PALM: variants seen among roughly 807,000 people sequenced by gnomAD.
The protein encoded by PALM is paralemmin, also known as paralemmin-1.
Under a neutral mutation model 30.7 loss-of-function variants are expected in PALM, and 18 were observed. The observed-to-expected ratio is 0.59, with a 90% CI of 0.41 to 0.87. The LOEUF (loss-of-function observed/expected upper bound fraction) is 0.87, where lower values mean the gene tolerates loss of function less well. PALM is among the 40% of genes least tolerant of loss of function. The pLI is 0.00. For missense variants in PALM, 529 were observed against 555.4 expected (o/e 0.95, Z 0.48); for synonymous variants, 286 against 242.8 (o/e 1.18, Z -1.66).
intron 2 of PALM, among the ~76,000 whole-genome samples, chr19:726,417 GA>G (rs1163688235): frequency 6.6e-6 from 1 of 152,192 alleles, no homozygotes; most frequent in Non-Finnish European, 1.5e-5. Flanking sequence ...GGTCGGTGGG[GA>G]AACTGAGGCT....
chr19:716,109 G>T (rs890362056), intron 1 of PALM, among the ~76,000 whole-genome samples: 6 of 152,122 alleles, frequency 3.9e-5, no homozygotes, highest in African/African-American at 1.4e-4. Context: ...TAGGCCTTGG[G>T]ATGGGGAAGA....
intron 6 of PALM, chr19:734,851 C>T (rs757162): frequency 0.22 from 35,539 of 158,964 alleles, 4,255 homozygotes; most frequent in Admixed American, 0.32. Flanking sequence ...TTTCACGGAA[C>T]GTGTCCGCTT....
Position 731,163 on chromosome 19 carries a change from C to T in PALM, c.338C>T (p.Ala113Val), listed in dbSNP as rs528324611. ...CCAGCCACTGCCAAGGAGAACGCGGCGGCCCCGAGCCCAGTCCGGGCCCCA... is the reference window on the plus strand; with the variant it reads ...CCAGCCACTGCCAAGGAGAACGCGGTGGCCCCGAGCCCAGTCCGGGCCCCA... The part of the protein sequence containing the change: ...SAPATAKENA[A>V]APSPVRAPAP... Residue 113 changes from alanine (A) to valine (V), a missense_variant, in exon 5 of 9, where the codon GCG becomes GTG. By Grantham distance (64) the Ala-to-Val change is moderately conservative. Coordinates refer to ENST00000338448, the MANE Select transcript of PALM (RefSeq NM_002579.3). The T allele has an allele frequency of 1.9e-5, 31 of 1,608,486 alleles. No homozygotes were observed. Among genetic ancestry groups the T allele is most frequent in the East Asian group, 1.3e-4 (6 of 44,712 alleles).
intron 4 of PALM, among the ~76,000 whole-genome samples, chr19:730,118 C>T (rs948486792): frequency 1.2e-4 from 18 of 152,222 alleles, no homozygotes; most frequent in African/African-American, 4.3e-4. Flanking sequence ...TCTGCCTGCT[C>T]AGGGGCTCTG....
intron 6 of PALM, chr19:734,915 G>A: frequency 1.2e-5 from 3 of 245,616 alleles, no homozygotes; most frequent in Non-Finnish European, 2.0e-5. Flanking sequence ...CGTCTGAAGT[G>A]CTTCTGGCCT....
intron 1 of PALM, among the ~76,000 whole-genome samples, chr19:714,525 A>ATTT (rs577722658): frequency 6.9e-6 from 1 of 144,432 alleles, no homozygotes; most frequent in Non-Finnish European, 1.5e-5. Context: ...CGCCCGGCTA[A>ATTT]TTTTTTGTAT....
intron 1 of PALM, chr19:722,382 T>C (rs1233369366): frequency 6.6e-6 from 1 of 151,906 alleles, no homozygotes; most frequent in Admixed American, 6.6e-5. Context: ...ACCTGGCTTT[T>C]TATTTATTTA....
chr19:711,776 C>T (rs1425362395), intron 1 of PALM, among the ~76,000 whole-genome samples: 1 of 152,100 alleles, frequency 6.6e-6, no homozygotes, highest in Admixed American at 6.6e-5. Flanking sequence ...AGATACTGTC[C>T]AGGAGGTGGC....
rs1222917917 is a variant in PALM at position 709,099 on chromosome 19, G to GCCCGCC, written c.-40_-35dup. On this transcript the variant is annotated 5_prime_UTR_variant, in exon 1 of 9. Coordinates refer to ENST00000338448, the MANE Select transcript of PALM (RefSeq NM_002579.3). The surrounding 1 kb of genome is among the most constrained non-coding windows in gnomAD (Gnocchi z 4.3). ...CTCCCCTCCCCCGCGCGCCACCCGC[G>GCCCGCC]CCCGCCCCCGCCCGGCACCGCGGAC... 1.8e-5 allele frequency: 5 copies of GCCCGCC among 273,120 alleles called. No individual in the cohort carries two copies. Among genetic ancestry groups the GCCCGCC allele is most frequent in the East Asian group, 6.0e-5 (1 of 16,782 alleles). The allele number at this position is 273,120 out of a possible 1,614,324, so 16.9% of individuals were successfully genotyped here.
chr19:727,758 AG>A, intron 4 of PALM, 64 bp downstream of exon 4: 1 of 1,445,470 alleles, frequency 6.9e-7, no homozygotes, highest in Non-Finnish European at 9.3e-7. Flanking sequence ...GGCTCCCGGG[AG>A]GGTGTGGGCT....
intron 1 of PALM, among the ~76,000 whole-genome samples, chr19:722,005 G>A (rs769220883): frequency 6.6e-6 from 1 of 152,166 alleles, no homozygotes; most frequent in African/African-American, 2.4e-5. Flanking sequence ...TGCAAGCTCC[G>A]CCTTCCGGGT....
intron 1 of PALM, among the ~76,000 whole-genome samples, chr19:723,373 C>T (rs2032557401): frequency 6.6e-6 from 1 of 152,026 alleles, no homozygotes; most frequent in Non-Finnish European, 1.5e-5. Context: ...GGGAACCTGT[C>T]TCCCACCCCT....
rs749509435 is a variant in PALM at position 746,363 on chromosome 19, A to C, written c.713A>C (p.Lys238Thr). The C allele has an allele frequency of 2.5e-6, 4 of 1,613,112 alleles. No individual in the cohort carries two copies. Among genetic ancestry groups the C allele is most frequent in the South Asian group, 1.1e-5 (1 of 91,056 alleles). Residue 238 changes from lysine to threonine, a missense_variant, in exon 9 of 9, where the codon AAA (lysine) becomes ACA (threonine). Physicochemically the swap from Lys to Thr is moderately conservative, Grantham distance 78 (BLOSUM62 -1). Coordinates refer to ENST00000338448, the MANE Select transcript of PALM (RefSeq NM_002579.3). This position sits in a 1 kb window ranked among gnomAD's most constrained non-coding sequence, Gnocchi z 7.1. ...TCCGAGGTGGACGAACTCATCCACA[A>C]AGCGGACGAGGTCACGCTGAGCGAG... The part of the protein sequence containing the change: ...SSSEVDELIH[K>T]ADEVTLSEAG...
intron 6 of PALM, chr19:734,889 C>A: frequency 5.7e-6 from 1 of 176,650 alleles, no homozygotes; most frequent in Non-Finnish European, 1.1e-5. Context: ...CAGCCACCAG[C>A]CGGGATTGAC....
chr19:710,662 AC>A (rs1034635328), intron 1 of PALM, among the ~76,000 whole-genome samples: 7 of 70,526 alleles, frequency 9.9e-5, no homozygotes, highest in African/African-American at 2.8e-4. Flanking sequence ...CCCCCCCCCC[AC>A]CCCCCCTCCA....
At chr19:718,517 C>G (rs778669003) in intron 1 of PALM, among the ~76,000 whole-genome samples, 2 of 152,208 alleles carry the variant, frequency 1.3e-5, no homozygotes, top group Non-Finnish European at 2.9e-5. Context: ...ACTGCCCCGT[C>G]TTCCCCTGAG....
intron 7 of PALM, among the ~76,000 whole-genome samples, chr19:739,952 G>A (rs1407132035): frequency 6.6e-6 from 1 of 152,194 alleles, no homozygotes; most frequent in African/African-American, 2.4e-5. Flanking sequence ...GACAGAGCAA[G>A]GCGGCTCCAT....
Position 744,387 on chromosome 19 carries a change from G to A in PALM, c.635-1898G>A, listed in dbSNP as rs531257011. Among the ~76,000 whole-genome samples the A allele has an allele frequency of 7.3e-5, 10 of 137,712 alleles. 1 individual carries two copies. In the South Asian group the frequency reaches 1.5e-3, roughly 21 times the overall value. The allele number at this position is 137,712 out of a possible 152,430, so 90.3% of individuals were successfully genotyped here. On this transcript the variant is annotated intron_variant, in intron 8 of 8. Transcript: ENST00000338448. The stretch of plus-strand genomic sequence containing the variant: ...TGCACTCCAGCCTGGGCGACAGAGC[G>A]AGACTCCATCTCAAAAAAAAAAAAA...
chr19:740,310 G>A, intron 7 of PALM, 42 bp from the exon 8 acceptor site: 2 of 1,518,882 alleles, frequency 1.3e-6, no homozygotes, highest in Non-Finnish European at 1.8e-6. Context: ...GGGGGTGCGG[G>A]GGCGGGCAGG....
Sources: gnomAD v4.1 joint callset for allele counts (sites outside exome capture counted in the v4.1 genomes callset) on GRCh38, gnomAD v4.1.1 for gene constraint, Gnocchi (gnomAD v3.1) non-coding constraint, MANE v1.5 for transcripts, NCBI Gene and HGNC (gene_info 2026-07-23, HGNC 2026-07-21) for gene names.